Variants in ZNF487 observed in about 807,000 individuals in gnomAD.
ZNF487 encodes the protein zinc finger protein 487.
A neutral mutation model predicts 3.0 loss-of-function variants in ZNF487; 4 were observed. That is an observed-to-expected ratio of 1.35 (90% confidence interval 0.66 to 3.08). The LOEUF is 3.08. ZNF487 is among the 30% of genes most tolerant of loss of function. ZNF487 has a pLI of 0.01. For missense variants in ZNF487, 146 were observed against 98.7 expected (o/e 1.48, Z -2.03); for synonymous variants, 55 against 34.6 (o/e 1.59, Z -2.06).
the ZNF487 span, among the ~76,000 whole-genome samples, chr10:43,493,709 A>AAAAAAAT: frequency 2.3e-5 from 1 of 43,720 alleles, no homozygotes; most frequent in African/African-American, 8.7e-5. Flanking sequence ...AAAAAAAAAA[A>AAAAAAAT]ATATATATAT....
At chr10:43,493,709 A>AAAAAAAAAAATATATATATATATAT in the ZNF487 span, among the ~76,000 whole-genome samples, 1 of 43,720 alleles carries the variant, frequency 2.3e-5, no homozygotes, top group African/African-American at 8.7e-5. Flanking sequence ...AAAAAAAAAA[A>AAAAAAAAAAATATATATATATATAT]ATATATATAT....
intron 1 of ZNF487, among the ~76,000 whole-genome samples, chr10:43,471,186 C>A (rs1181508195): frequency 4.6e-5 from 7 of 152,142 alleles, no homozygotes. Context: ...ATTTACTCGG[C>A]CCATTGCGCT....
At chr10:43,502,223 T>A in the ZNF487 span, among the ~76,000 whole-genome samples, 2 of 152,224 alleles carry the variant, frequency 1.3e-5, no homozygotes, top group African/African-American at 4.8e-5. Flanking sequence ...TGAGTTCATG[T>A]CTTTTGTAGG....
chr10:43,447,831 A>G (rs916189020), intron 1 of ZNF487, among the ~76,000 whole-genome samples: 4 of 152,056 alleles, frequency 2.6e-5, no homozygotes. Context: ...CAACTCAAGG[A>G]ATCTGCCAGG....
chr10:43,477,905 G>A (rs1056710205), intron 3 of ZNF487, among the ~76,000 whole-genome samples: 4 of 151,284 alleles, frequency 2.6e-5, no homozygotes, highest in South Asian at 2.1e-4. Flanking sequence ...AGCAGAGATC[G>A]CACTATTGTA....
chr10:43,476,382 A>G (rs556257526), intron 3 of ZNF487, among the ~76,000 whole-genome samples, 180 bp downstream of exon 3: 8 of 152,236 alleles, frequency 5.3e-5, no homozygotes, highest in Non-Finnish European at 8.8e-5. Context: ...ATTACACACT[A>G]GCAGATAACA....
intron 1 of ZNF487, chr10:43,457,916 G>T (rs551430599): frequency 6.6e-5 from 10 of 150,730 alleles, no homozygotes; most frequent in African/African-American, 2.4e-4. Flanking sequence ...CAGCTACTCG[G>T]GAGGCTGAGG....
intron 3 of ZNF487, among the ~76,000 whole-genome samples, chr10:43,478,190 C>G (rs183916406): frequency 1.3e-5 from 2 of 152,152 alleles, no homozygotes; most frequent in African/African-American, 4.8e-5. Context: ...GAGACCAACC[C>G]AAGAGGATTG....
chr10:43,441,597 T>G (rs1839612780), intron 1 of ZNF487, among the ~76,000 whole-genome samples: 1 of 106,438 alleles, frequency 9.4e-6, no homozygotes, highest in African/African-American at 3.8e-5. Context: ...TTTGCCATGT[T>G]GCCCCAGCTA....
chr10:43,494,829 C>T, the ZNF487 span, among the ~76,000 whole-genome samples: 1 of 141,700 alleles, frequency 7.1e-6, no homozygotes. Context: ...GTCATCTACT[C>T]AGGAGGCTGA....
At chr10:43,438,712 G>A (rs1839471988) in intron 1 of ZNF487, among the ~76,000 whole-genome samples, 1 of 152,166 alleles carries the variant, frequency 6.6e-6, no homozygotes, top group South Asian at 2.1e-4. Context: ...TCAAAAGGGA[G>A]AGGTAACCCC....
At chr10:43,504,554 C>T in the ZNF487 span, among the ~76,000 whole-genome samples, 1 of 152,052 alleles carries the variant, frequency 6.6e-6, no homozygotes, top group Non-Finnish European at 1.5e-5. Flanking sequence ...CTCAGCCTCC[C>T]AAAGTGCTGG....
chr10:43,507,942 T>TA, the ZNF487 span, among the ~76,000 whole-genome samples: 1 of 152,130 alleles, frequency 6.6e-6, no homozygotes, highest in African/African-American at 2.4e-5. Flanking sequence ...TAGACAGCAA[T>TA]AAAAAAGCCT....
chr10:43,454,441 A>G (rs1189757632), intron 1 of ZNF487: 1 of 152,216 alleles, frequency 6.6e-6, no homozygotes, highest in Non-Finnish European at 1.5e-5. Context: ...CTAGCTCACA[A>G]AATTTAACTA....
chr10:43,463,441 G>C (rs1347390339), intron 1 of ZNF487, among the ~76,000 whole-genome samples: 1 of 152,048 alleles, frequency 6.6e-6, no homozygotes, highest in African/African-American at 2.4e-5. Flanking sequence ...GGGAGGCTGA[G>C]GCAGGAAAAT....
downstream of ZNF487, among the ~76,000 whole-genome samples, chr10:43,485,921 G>A (rs1316670026): frequency 2.0e-5 from 3 of 152,108 alleles, no homozygotes; most frequent in Non-Finnish European, 2.9e-5. Flanking sequence ...TTATGGGGTA[G>A]TATAGACAGT....
the ZNF487 span, among the ~76,000 whole-genome samples, chr10:43,497,705 C>T: frequency 5.3e-5 from 8 of 151,980 alleles, no homozygotes; most frequent in Non-Finnish European, 7.4e-5. Flanking sequence ...CGGTGGCTCA[C>T]GCCTGTAATC....
Position 43,481,638 on chromosome 10 carries a change from GAATT to G in ZNF487, c.346_349del (p.Ile116LeufsTer8), listed in dbSNP as rs1235214423. ...TGGAATGAATTTGAATAATATTTCA[GAATT>G]AATTATTAGTAATAGAAGCTCCTTT... On this transcript the variant is annotated frameshift_variant, in exon 4 of 4. Coordinates refer to ENST00000437590, the MANE Select transcript of ZNF487 (RefSeq NM_001355444.3). LOFTEE classifies it low-confidence loss of function (END_TRUNC). 2.9e-6 allele frequency: 2 copies of G among 681,778 alleles called. No homozygotes were observed. The highest frequency in any genetic ancestry group is 2.4e-5 in the Admixed American group (1 of 42,184). 42.2% of individuals were successfully genotyped at this position (681,778 alleles called of 1,614,324 possible).
the ZNF487 span, among the ~76,000 whole-genome samples, chr10:43,514,984 A>G: frequency 6.6e-6 from 1 of 152,226 alleles, no homozygotes; most frequent in Non-Finnish European, 1.5e-5. Context: ...GCTTGCTCAC[A>G]GTGGATCATC....
Sources: gnomAD v4.1 joint callset for allele counts (sites outside exome capture counted in the v4.1 genomes callset) on GRCh38, gnomAD v4.1.1 for gene constraint, MANE v1.5 for transcripts, NCBI Gene and HGNC (gene_info 2026-07-23, HGNC 2026-07-21) for gene names.